Variants in RNF123 observed in about 807,000 individuals in gnomAD.
The protein encoded by RNF123 is ring finger protein 123.
RNF123 carries 86 observed loss-of-function variants against 168.5 expected under a neutral mutation model. The ratio of observed to expected loss-of-function variants is 0.51; its 90% CI spans 0.43 to 0.61. The LOEUF is 0.61. Among genes scored for constraint, RNF123 ranks in the 20% least tolerant of loss-of-function variants. The pLI, the probability that RNF123 is intolerant of heterozygous loss-of-function variation, is 0.00. For missense variants in RNF123, 1,419 were observed against 1,729.7 expected (o/e 0.82, Z 3.19); for synonymous variants, 666 against 689.1 (o/e 0.97, Z 0.52).
Position 49,701,846 on chromosome 3 carries a change from A to G in RNF123, c.1431A>G (p.Ala477=), listed in dbSNP as rs1298396981. 1.9e-6 allele frequency: 3 copies of G among 1,574,258 alleles called. No homozygotes were observed. The African/African-American group carries it at 4.0e-5, about 21-fold the overall frequency. The change falls in exon 17 of 39, where the codon GCA becomes GCG. Residue 477 remains alanine (A), a synonymous_variant. Transcript: ENST00000327697. The part of the protein sequence containing the change: ...KESTEMKEET[A]EERLRRRAYE... ...GCACGGAGATGAAGGAGGAGACCGC[A>G]GAGGAGCGGCTGCGGCGGCGAGCCT...
chr3:49,719,432 A>G (rs751893232), intron 35 of RNF123: 3 of 1,613,520 alleles, frequency 1.9e-6, no homozygotes, highest in African/African-American at 1.3e-5. Flanking sequence ...CGCAGCATGC[A>G]GAGCAGTGTC....
In RNF123 at chr3:49,705,572, C is replaced by T. The variant is rs764720201; in HGVS notation, c.2197C>T (p.Arg733Trp). The change falls in exon 24 of 39, where the codon CGG becomes TGG. Residue 733 changes from arginine (R) to tryptophan (W), a missense_variant. By Grantham distance (101) the Arg-to-Trp change is moderately radical. Around this residue, in one of 5 missense-constraint regions of RNF123, gnomAD observed 538 missense variants for 708.8 expected, o/e 0.76. Transcript: ENST00000327697. ...CTGGAATGAGGGCTTGCTGCTGGGG[C>T]GGCCCCCCGAGGAGCCTGAGCAGCC... ...SHWNEGLLLG[R>W]PPEEPEQPLT... is the part of the protein sequence containing the mutation. The T allele has an allele frequency of 1.4e-5, 22 of 1,607,914 alleles. No homozygotes were observed. Among genetic ancestry groups the T allele is most frequent in the East Asian group, 6.7e-5 (3 of 44,876 alleles).
chr3:49,719,349 G>C (rs755736042), intron 35 of RNF123: 2 of 1,613,518 alleles, frequency 1.2e-6, no homozygotes, highest in South Asian at 2.2e-5. Context: ...CGGCAGCGCA[G>C]ATACATTTGT....
chr3:49,698,404 G>A, intron 7 of RNF123, 36 bp from the exon 8 acceptor site: 1 of 1,575,612 alleles, frequency 6.3e-7, no homozygotes, highest in Non-Finnish European at 8.7e-7. Context: ...GACCCTGCCT[G>A]CCTCACCAGG....
rs1424784956 is a variant in RNF123 at position 49,716,172 on chromosome 3, T to C, written c.3410T>C (p.Leu1137Pro). 1 of 1,613,406 alleles carries C rather than the reference T, an allele frequency of 6.2e-7. No individual in the cohort carries two copies. Among genetic ancestry groups the C allele is most frequent in the Admixed American group, 1.7e-5 (1 of 59,978 alleles). ...NLFDRVVTLR[L>P]PGLESVDHYP... ...TTTGATCGTGTGGTCACCCTACGGC[T>C]GCCTGGTGAGGACCTAGATGCCCTG... Residue 1137 changes from leucine (L) to proline (P), a missense_variant, in exon 34 of 39, where the codon CTG becomes CCG. Leu to Pro is a moderately conservative substitution (Grantham distance 98, BLOSUM62 -3). This residue lies in a region of RNF123 where 164 missense variants were observed against 152.3 expected (regional missense o/e 1.08). Coordinates refer to ENST00000327697, the MANE Select transcript of RNF123 (RefSeq NM_022064.5).
chr3:49,699,550 C>T lies in RNF123; in HGVS notation c.847C>T (p.Arg283Trp), dbSNP rs767308240. 28 of 1,613,098 alleles carry T rather than the reference C, an allele frequency of 1.7e-5. No homozygotes were observed. Among genetic ancestry groups the T allele is most frequent in the Middle Eastern group, 3.3e-4 (2 of 6,080 alleles). ...GGCACAGAGGTTGCTGGGCTGCTTC[C>T]GGGCAGTGCTGAGTGTGGAGCTGGA... is the stretch of plus-strand genomic sequence containing the variant. ...VRAQRLLGCFRAVLSVELDPV... is the reference protein window; with the variant it reads ...VRAQRLLGCFWAVLSVELDPV... The change falls in exon 11 of 39, where the codon CGG becomes TGG. Residue 283 changes from arginine to tryptophan, a missense_variant. Physicochemically the swap from Arg to Trp is moderately radical, Grantham distance 101. Around this residue, in one of 5 missense-constraint regions of RNF123, gnomAD observed 318 missense variants for 446.6 expected, o/e 0.71. Transcript: ENST00000327697. This position sits in a 1 kb window ranked among gnomAD's most constrained non-coding sequence, Gnocchi z 4.8.
intron 34 of RNF123, 98 bp from the exon 35 acceptor site, chr3:49,716,295 C>T: frequency 6.5e-7 from 1 of 1,540,934 alleles, no homozygotes; most frequent in Admixed American, 1.7e-5. Context: ...GCTCTGCAGT[C>T]TCGGCTCACC....
Position 49,701,535 on chromosome 3 carries a change from C to T in RNF123, c.1322C>T (p.Pro441Leu). 1 of 1,613,820 alleles carries T rather than the reference C, an allele frequency of 6.2e-7. No homozygotes were observed. Among genetic ancestry groups the T allele is most frequent in the South Asian group, 1.1e-5 (1 of 91,086 alleles). Residue 441 changes from proline (P) to leucine (L), a missense_variant, in exon 16 of 39, where the codon CCC (proline) becomes CTC (leucine). Pro to Leu is a moderately conservative substitution (Grantham distance 98). Transcript: ENST00000327697. The part of the protein sequence containing the change: ...RSVVFFYIKS[P>L]LRVEEAGLQE... ...GTCGTCTTCTTTTACATCAAGAGCC[C>T]CCTGCGTGTGGAGGAGGCCGGCCTG... is the stretch of plus-strand genomic sequence containing the variant.
intron 31 of RNF123, among the ~76,000 whole-genome samples, 181 bp downstream of exon 31, chr3:49,714,355 C>T (rs979444701): frequency 6.6e-6 from 1 of 152,202 alleles, no homozygotes; most frequent in African/African-American, 2.4e-5. Flanking sequence ...CCCAAGGATA[C>T]TCGGGATGGG....
At position 49,699,439 on chromosome 3, in the gene RNF123, A is replaced by G; in HGVS notation, c.765-29A>G. The G allele has an allele frequency of 1.3e-6, 2 of 1,542,952 alleles. No individual in the cohort carries two copies. Among genetic ancestry groups the G allele is most frequent in the Non-Finnish European group, 1.8e-6 (2 of 1,133,914 alleles). ...GGGAGTAGGCATGTCTGAGCCACAG[A>G]TAAGGCGTTGCTGGCTTAACTCTGG... On this transcript the variant is annotated intron_variant, in intron 10 of 38. Coordinates refer to ENST00000327697, the MANE Select transcript of RNF123 (RefSeq NM_022064.5). The surrounding 1 kb of genome is among the most constrained non-coding windows in gnomAD (Gnocchi z 4.8).
chr3:49,707,625 T>G (rs1320676605), intron 26 of RNF123, among the ~76,000 whole-genome samples: 1 of 152,266 alleles, frequency 6.6e-6, no homozygotes, highest in East Asian at 1.9e-4. Flanking sequence ...GTATCTGCTG[T>G]CTTCTTGGGC....
chr3:49,702,644 G>A lies in RNF123; in HGVS notation c.1641G>A (p.Met547Ile), dbSNP rs1280158277. 2 of 1,614,232 alleles carry A rather than the reference G, an allele frequency of 1.2e-6. No individual in the cohort carries two copies. Among genetic ancestry groups the A allele is most frequent in the East Asian group, 4.5e-5 (2 of 44,878 alleles). ...CCTGGTGTCCACAGAACATGCCCAT[G>A]CTCTGCCCCCCTGAGTACATGGTCT... ...ENASGRGNMPMLCPPEYMVCF... is the reference protein window; with the variant it reads ...ENASGRGNMPILCPPEYMVCF... Residue 547 changes from methionine (M) to isoleucine (I), a missense_variant, in exon 20 of 39, where the codon ATG becomes ATA. By Grantham distance (10) the Met-to-Ile change is conservative. Around this residue, in one of 5 missense-constraint regions of RNF123, gnomAD observed 349 missense variants for 344.9 expected, o/e 1.01. Coordinates refer to ENST00000327697, the MANE Select transcript of RNF123 (RefSeq NM_022064.5).
chr3:49,696,540 T>A (rs1243782277), intron 3 of RNF123, among the ~76,000 whole-genome samples: 2 of 152,042 alleles, frequency 1.3e-5, no homozygotes, highest in African/African-American at 4.8e-5. Context: ...AATTTCACCA[T>A]GTTGGCCAGG....
In RNF123 at chr3:49,691,252, G is replaced by A. The variant is rs2054157482; in HGVS notation, c.82+5G>A. On this transcript the variant is annotated splice_donor_5th_base_variant and intron_variant, in intron 2 of 38. Coordinates refer to ENST00000327697, the MANE Select transcript of RNF123 (RefSeq NM_022064.5). ...CTGAGAAATCCAGGGTCACAGGTAAGAGCTGGCAGGGAAGGAAGGAGGCTC... is the reference window on the plus strand; with the variant it reads ...CTGAGAAATCCAGGGTCACAGGTAAAAGCTGGCAGGGAAGGAAGGAGGCTC... The A allele has an allele frequency of 1.9e-6, 3 of 1,613,796 alleles. No homozygotes were observed. The African/African-American group carries it at 4.0e-5, about 21-fold the overall frequency.
chr3:49,700,810 G>C, intron 15 of RNF123, 101 bp downstream of exon 15: 1 of 1,239,982 alleles, frequency 8.1e-7, no homozygotes, highest in Non-Finnish European at 1.2e-6. Context: ...TCCCCTGGGA[G>C]CATCAGGAGG....
intron 19 of RNF123, 53 bp downstream of exon 19, chr3:49,702,458 C>A: frequency 6.2e-7 from 1 of 1,602,066 alleles, no homozygotes; most frequent in African/African-American, 1.3e-5. Context: ...ACTACACATG[C>A]CATGCCCTCA....
At chr3:49,698,902 G>GGCCAGACTGAGTTTGATA in intron 9 of RNF123, 78 bp from the exon 10 acceptor site, 1 of 1,607,338 alleles carries the variant, frequency 6.2e-7, no homozygotes, top group South Asian at 1.1e-5. Context: ...CCCTGTAAGG[G>GGCCAGACTGAGTTTGATA]GCCAGACTGA....
At position 49,699,108 on chromosome 3, in the gene RNF123, A is replaced by G. The variant is rs1279334134; in HGVS notation, c.764+3A>G. 1 of 1,612,812 alleles carries G rather than the reference A, an allele frequency of 6.2e-7. No homozygotes were observed. The highest frequency in any genetic ancestry group is 1.7e-5 in the Admixed American group (1 of 59,960). On this transcript the variant is annotated splice_donor_region_variant and intron_variant, in intron 10 of 38. Coordinates refer to ENST00000327697, the MANE Select transcript of RNF123 (RefSeq NM_022064.5). The surrounding 1 kb of genome is among the most constrained non-coding windows in gnomAD (Gnocchi z 4.8). ...AACTTTGGCAGCCGTCCTCTGCGATATCATTTTGTGAAGATGGCTGTGGGC... is the reference window on the plus strand; with the variant it reads ...AACTTTGGCAGCCGTCCTCTGCGATGTCATTTTGTGAAGATGGCTGTGGGC...
Position 49,713,530 on chromosome 3 carries a change from A to G in RNF123, c.2692A>G (p.Thr898Ala), listed in dbSNP as rs1424136286. The G allele has an allele frequency of 6.2e-7, 1 of 1,610,204 alleles. No homozygotes were observed. Among genetic ancestry groups the G allele is most frequent in the Admixed American group, 1.7e-5 (1 of 59,448 alleles). ...CCTTGCAGGCTATGAAGAGACCCTG[A>G]CCCGCCTGGCTGCCATTCTCGCCAA... ...EELPGYEETL[T>A]RLAAILAKHF... The change falls in exon 28 of 39, where the codon ACC (threonine) becomes GCC (alanine). Residue 898 changes from threonine (T) to alanine (A), a missense_variant. Physicochemically the swap from Thr to Ala is moderately conservative, Grantham distance 58. Coordinates refer to ENST00000327697, the MANE Select transcript of RNF123 (RefSeq NM_022064.5).
Sources: allele counts gnomAD v4.1 joint callset (sites outside exome capture counted in the v4.1 genomes callset), GRCh38; gene constraint gnomAD v4.1.1; regional missense constraint gnomAD v4.1.1; non-coding constraint Gnocchi (gnomAD v3.1); transcripts MANE v1.5; gene names NCBI Gene and HGNC (gene_info 2026-07-23, HGNC 2026-07-21).